Variants in CPEB1 observed in about 807,000 individuals in gnomAD.
CPEB1 encodes cytoplasmic polyadenylation element binding protein 1, also known as cytoplasmic polyadenylation element-binding protein 1.
In CPEB1, 7 loss-of-function variants were observed where a neutral mutation model predicts 65.8. The observed-to-expected ratio is 0.11, with a 90% CI of 0.06 to 0.20. CPEB1 has a LOEUF of 0.20. CPEB1 is among the 10% of genes least tolerant of loss of function. The probability of loss-of-function intolerance (pLI) is 1.00; values close to 1 mark genes in which losing one functional copy is unlikely to be tolerated. For synonymous variants in CPEB1, 262 were observed against 260.0 expected, an observed-to-expected ratio of 1.01 and a Z score of -0.08; for missense variants, 551 against 712.2, an observed-to-expected ratio of 0.77 and a Z score of 2.58.
chr15:82,550,815 G>C (rs961849163), intron 9 of CPEB1, among the ~76,000 whole-genome samples: 1 of 152,166 alleles, frequency 6.6e-6, no homozygotes, highest in South Asian at 2.1e-4. Flanking sequence ...GGCTATGTTG[G>C]TGCTGGCGGG....
chr15:82,645,929 G>C (rs1023005354), intron 1 of CPEB1, among the ~76,000 whole-genome samples: 1 of 151,990 alleles, frequency 6.6e-6, no homozygotes, highest in Non-Finnish European at 1.5e-5. Flanking sequence ...ACAGCAACGT[G>C]CTCTGGGAAT....
At chr15:82,572,905 C>T in intron 3 of CPEB1, 1 of 858,424 alleles carries the variant, frequency 1.2e-6, no homozygotes, top group Admixed American at 3.5e-5. Context: ...TCTTTGCCAT[C>T]TCCTCCCACA....
At chr15:82,629,984 C>G (rs2046102820) in intron 1 of CPEB1, 1 of 985,328 alleles carries the variant, frequency 1.0e-6, no homozygotes, top group South Asian at 4.7e-5. Context: ...CCCAAGCTCT[C>G]TAGAGTGGTG....
At chr15:82,643,467 A>G (rs1193819496) in intron 1 of CPEB1, among the ~76,000 whole-genome samples, 5 of 152,114 alleles carry the variant, frequency 3.3e-5, no homozygotes, top group African/African-American at 4.8e-5. Context: ...CCATCTTAGT[A>G]AAAATACAAA....
At chr15:82,546,562 A>G (rs1215517226) in intron 11 of CPEB1, 41 bp from the exon 12 acceptor site, 2 of 1,492,510 alleles carry the variant, frequency 1.3e-6, no homozygotes, top group Non-Finnish European at 1.9e-6. Flanking sequence ...GGCTCTTCTT[A>G]CCAGGAGGCT....
chr15:82,620,484 A>G (rs1421512927), intron 3 of CPEB1, among the ~76,000 whole-genome samples: 1 of 151,998 alleles, frequency 6.6e-6, no homozygotes, highest in African/African-American at 2.4e-5. Flanking sequence ...AAAATCAGGT[A>G]CAATTTATCT....
chr15:82,583,491 A>G (rs959444771), intron 3 of CPEB1: 2 of 152,240 alleles, frequency 1.3e-5, no homozygotes, highest in African/African-American at 4.8e-5. Flanking sequence ...AGTTATTTAA[A>G]ACAGGAAGGC....
chr15:82,608,112 G>A (rs1357010794), intron 3 of CPEB1, among the ~76,000 whole-genome samples: 3 of 152,222 alleles, frequency 2.0e-5, no homozygotes, highest in Non-Finnish European at 2.9e-5. Flanking sequence ...TTTCTTTCAA[G>A]CATGCAGGTT....
At chr15:82,635,461 A>C (rs1454036734) in intron 1 of CPEB1, among the ~76,000 whole-genome samples, 6 of 152,268 alleles carry the variant, frequency 3.9e-5, no homozygotes, top group African/African-American at 9.6e-5. Flanking sequence ...TCTGTGTTTA[A>C]ATTTCTCCTT....
chr15:82,561,680 A>ACAC (rs1372112800), intron 4 of CPEB1, among the ~76,000 whole-genome samples: 4 of 152,304 alleles, frequency 2.6e-5, no homozygotes, highest in African/African-American at 9.6e-5. Context: ...TTGTGTTGGT[A>ACAC]CACCTGTTTT....
intron 3 of CPEB1, among the ~76,000 whole-genome samples, chr15:82,603,962 G>C (rs1411032074): frequency 1.3e-5 from 2 of 152,124 alleles, no homozygotes; most frequent in African/African-American, 4.8e-5. Flanking sequence ...CCCATTCATG[G>C]GGGAAAAAAT....
chr15:82,574,749 A>AAAAAAAAAAAAAAC (rs2040470251), intron 3 of CPEB1, among the ~76,000 whole-genome samples: 1 of 141,840 alleles, frequency 7.1e-6, no homozygotes, highest in Non-Finnish European at 1.6e-5. Context: ...AAAAAAAAAA[A>AAAAAAAAAAAAAAC]AATCATAAAC....
Position 82,553,928 on chromosome 15 carries a change from A to G in CPEB1, c.1004T>C (p.Ile335Thr). 6.2e-7 allele frequency: 1 copy of G among 1,612,804 alleles called. No individual in the cohort carries two copies. The highest frequency in any genetic ancestry group is 1.1e-5 in the South Asian group (1 of 90,806). The change falls in exon 7 of 13, where the codon ATC becomes ACC. Residue 335 changes from isoleucine (I) to threonine (T), a missense_variant. Ile to Thr is a moderately conservative substitution (Grantham distance 89). Around this residue, in one of 6 missense-constraint regions of CPEB1, gnomAD observed 99 missense variants for 161.3 expected, o/e 0.61. Coordinates refer to ENST00000684509, the MANE Select transcript of CPEB1 (RefSeq NM_001365242.1). The stretch of plus-strand genomic sequence containing the variant: ...TCCTAGAAACACCTTGCAAGAGTAG[A>G]TGGGGTTCTTATAGTTCCGGGGAGG... ...QLPPRNYKNP[I>T]YSCKVFLGGV...
intron 2 of CPEB1, chr15:82,627,995 A>G (rs925500927): frequency 3.5e-6 from 2 of 571,510 alleles, no homozygotes; most frequent in African/African-American, 3.7e-5. Context: ...CCCAAATACA[A>G]CATCTCTAAG....
Position 82,647,317 on chromosome 15 carries a change from T to C in CPEB1, c.-278A>G, listed in dbSNP as rs942223751. 1 of 152,328 alleles carries C rather than the reference T, an allele frequency of 6.6e-6. No homozygotes were observed. Among genetic ancestry groups the C allele is most frequent in the East Asian group, 1.9e-4 (1 of 5,136 alleles). The allele number at this position is 152,328 out of a possible 1,614,324, so 9.4% of individuals were successfully genotyped here. On this transcript the variant is annotated 5_prime_UTR_variant, in exon 1 of 13. Transcript: ENST00000684509. ...GCACGAGGGGCTTGAGCCCTCCACCTTAAAGGTGCCGCGACCGCCGCCGTC... is the reference window on the plus strand; with the variant it reads ...GCACGAGGGGCTTGAGCCCTCCACCCTAAAGGTGCCGCGACCGCCGCCGTC...
intron 3 of CPEB1, among the ~76,000 whole-genome samples, chr15:82,614,382 T>C (rs1341755270): frequency 2.0e-5 from 3 of 152,220 alleles, no homozygotes; most frequent in African/African-American, 7.2e-5. Flanking sequence ...ACAGGTGTTT[T>C]ATGCAAGTTT....
chr15:82,618,906 A>T (rs922211703), intron 3 of CPEB1, among the ~76,000 whole-genome samples: 1 of 152,214 alleles, frequency 6.6e-6, no homozygotes, highest in Non-Finnish European at 1.5e-5. Context: ...ACGCAATCCC[A>T]ATCAAAATCC....
chr15:82,627,406 C>T (rs779904823), intron 2 of CPEB1, 39 bp from the exon 3 acceptor site: 2 of 1,494,784 alleles, frequency 1.3e-6, no homozygotes, highest in Non-Finnish European at 1.8e-6. Flanking sequence ...GTTTTCTACA[C>T]TCCTTTATGA....
chr15:82,640,623 G>A (rs1424612128), intron 1 of CPEB1: 1 of 152,060 alleles, frequency 6.6e-6, no homozygotes, highest in Non-Finnish European at 1.5e-5. Context: ...GGAAGAAATT[G>A]GTTCTGTTTT....
Sources: gnomAD v4.1 joint callset for allele counts (sites outside exome capture counted in the v4.1 genomes callset) on GRCh38, gnomAD v4.1.1 for gene constraint, gnomAD v4.1.1 regional missense constraint, MANE v1.5 for transcripts, NCBI Gene and HGNC (gene_info 2026-07-23, HGNC 2026-07-21) for gene names.